DYNC2H1: variants seen among roughly 807,000 people sequenced by gnomAD.
The protein encoded by DYNC2H1 is cytoplasmic dynein 2 heavy chain 1.
In DYNC2H1, 410 loss-of-function variants were observed where a neutral mutation model predicts 570.0. The observed-to-expected ratio is 0.72, with a 90% CI of 0.66 to 0.78. The LOEUF is 0.78. DYNC2H1 is among the 30% of genes least tolerant of loss of function. DYNC2H1 has a pLI of 0.00. For synonymous variants in DYNC2H1, 1,688 were observed against 1,677.6 expected (o/e 1.01, Z -0.15); for missense variants, 4,865 against 5,046.4 (o/e 0.96, Z 1.09).
chr11:103,335,701 A>G (rs1190628856), intron 82 of DYNC2H1, among the ~76,000 whole-genome samples: 2 of 152,062 alleles, frequency 1.3e-5, no homozygotes, highest in African/African-American at 2.4e-5. Context: ...ATCTTTTCCC[A>G]TATACAGTTC....
chr11:103,173,999 A>G (rs1446791745), intron 35 of DYNC2H1, 56 bp from the exon 36 acceptor site: 2 of 1,231,636 alleles, frequency 1.6e-6, no homozygotes, highest in Non-Finnish European at 2.3e-6. Flanking sequence ...GGATGTTATG[A>G]TGAAAGTAAT....
At chr11:103,453,566 ATAT>A (rs1268116262) in intron 85 of DYNC2H1, among the ~76,000 whole-genome samples, 3 of 150,258 alleles carry the variant, frequency 2.0e-5, no homozygotes, top group Non-Finnish European at 4.4e-5. Context: ...TTGACAAATT[ATAT>A]TATTCAAACA....
intron 88 of DYNC2H1, among the ~76,000 whole-genome samples, chr11:103,470,275 G>T (rs1210774371): frequency 6.6e-6 from 1 of 152,088 alleles, no homozygotes; most frequent in African/African-American, 2.4e-5. Context: ...TTTCTATCCA[G>T]TTTTATTTGT....
At chr11:103,120,418 A>G (rs928684124) in intron 6 of DYNC2H1, 29 bp from the exon 7 acceptor site, 9 of 1,547,718 alleles carry the variant, frequency 5.8e-6, no homozygotes, top group Middle Eastern at 1.7e-4. Context: ...GATTTAAATA[A>G]ATTCTGTTGT....
intron 85 of DYNC2H1, among the ~76,000 whole-genome samples, chr11:103,440,114 G>A (rs1014708828): frequency 4.6e-5 from 7 of 151,972 alleles, no homozygotes; most frequent in South Asian, 2.1e-4. Context: ...TCCCTTGACC[G>A]TACACCTGTA....
intron 83 of DYNC2H1, among the ~76,000 whole-genome samples, chr11:103,380,551 C>A (rs796967170): frequency 6.6e-6 from 1 of 151,038 alleles, no homozygotes; most frequent in African/African-American, 2.4e-5. Context: ...TTGGAGGTTA[C>A]GTGATGAGGA....
At chr11:103,367,713 A>C (rs1032315328) in intron 83 of DYNC2H1, among the ~76,000 whole-genome samples, 4 of 152,080 alleles carry the variant, frequency 2.6e-5, no homozygotes, top group South Asian at 2.1e-4. Context: ...CTTATTCCTT[A>C]TATCTAATTA....
At chr11:103,208,477 A>T (rs1863023236) in intron 52 of DYNC2H1, among the ~76,000 whole-genome samples, 1 of 152,160 alleles carries the variant, frequency 6.6e-6, no homozygotes, top group Non-Finnish European at 1.5e-5. Flanking sequence ...TTGCAGGCCC[A>T]GTGGTTCAAG....
intron 21 of DYNC2H1, 128 bp from the exon 22 acceptor site, chr11:103,153,175 C>T: frequency 1.4e-6 from 1 of 732,518 alleles, no homozygotes; most frequent in Non-Finnish European, 2.1e-6. Context: ...TAACAACCAT[C>T]CTTTGAAAAG....
At chr11:103,330,740 C>T (rs1429675189) in intron 82 of DYNC2H1, among the ~76,000 whole-genome samples, 3 of 151,978 alleles carry the variant, frequency 2.0e-5, no homozygotes, top group Admixed American at 2.0e-4. Context: ...TCATGTCCCT[C>T]CTCCTCTTGT....
intron 75 of DYNC2H1, among the ~76,000 whole-genome samples, chr11:103,296,802 C>T (rs565528646): frequency 6.6e-6 from 1 of 151,858 alleles, no homozygotes; most frequent in African/African-American, 2.4e-5. Context: ...CTCCCTTGGT[C>T]TGAGACCCTT....
Position 103,152,232 on chromosome 11 carries a change from T to C in DYNC2H1, c.3043T>C (p.Trp1015Arg). ...LETISNLKAK[W>R]DKFELMMESH... ...AACAATTAGTAATTTGAAAGCCAAG[T>C]GGGATAAATTTGAGTTAATGATGGA... is the stretch of plus-strand genomic sequence containing the variant. The change falls in exon 21 of 89, where the codon TGG (tryptophan) becomes CGG (arginine). Residue 1015 changes from tryptophan to arginine, a missense_variant. Physicochemically the swap from Trp to Arg is moderately radical, Grantham distance 101. Around this residue, in one of 5 missense-constraint regions of DYNC2H1, gnomAD observed 1,936 missense variants for 1,962.1 expected, o/e 0.99. Transcript: ENST00000375735. 6.2e-7 allele frequency: 1 copy of C among 1,608,946 alleles called. No homozygotes were observed. The highest frequency in any genetic ancestry group is 1.3e-5 in the African/African-American group (1 of 74,824).
chr11:103,281,379 C>A (rs1286558527), intron 71 of DYNC2H1, among the ~76,000 whole-genome samples: 1 of 151,928 alleles, frequency 6.6e-6, no homozygotes, highest in Non-Finnish European at 1.5e-5. Context: ...TTATTTTTCT[C>A]TCCTAAAGTA....
chr11:103,306,746 G>A (rs1454627001), intron 77 of DYNC2H1, among the ~76,000 whole-genome samples: 2 of 152,068 alleles, frequency 1.3e-5, no homozygotes, highest in East Asian at 3.9e-4. Context: ...ATAATTTTTA[G>A]ACTTCATTCT....
chr11:103,472,799 T>G lies in DYNC2H1; in HGVS notation c.12765+4094T>G, dbSNP rs891275513. ...GTATTATTATATGATAATAATAAAA[T>G]TCAGAACTTTGGTAACTAAACTTTT... On this transcript the variant is annotated intron_variant, in intron 88 of 88. Coordinates refer to ENST00000375735, the MANE Select transcript of DYNC2H1 (RefSeq NM_001377.3). This position sits in a 1 kb window ranked among gnomAD's most constrained non-coding sequence, Gnocchi z 4.1. Among the ~76,000 whole-genome samples, 4 of 152,148 alleles carry G rather than the reference T, an allele frequency of 2.6e-5. No homozygotes were observed. The highest frequency in any genetic ancestry group is 9.7e-5 in the African/African-American group (4 of 41,410).
intron 55 of DYNC2H1, among the ~76,000 whole-genome samples, chr11:103,217,402 T>C (rs904743438): frequency 6.6e-6 from 1 of 152,194 alleles, no homozygotes; most frequent in Non-Finnish European, 1.5e-5. Context: ...CATAAGGCAA[T>C]CTGATATTAC....
At chr11:103,330,746 C>T (rs1158417047) in intron 82 of DYNC2H1, among the ~76,000 whole-genome samples, 2 of 151,952 alleles carry the variant, frequency 1.3e-5, no homozygotes, top group East Asian at 3.9e-4. Flanking sequence ...CCCTCCTCCT[C>T]TTGTACTGAA....
intron 43 of DYNC2H1, among the ~76,000 whole-genome samples, chr11:103,188,022 T>C (rs913017985): frequency 1.4e-4 from 22 of 152,064 alleles, no homozygotes; most frequent in Non-Finnish European, 4.4e-5. Context: ...AGATCACATA[T>C]CCTGAATCAG....
In DYNC2H1 at chr11:103,170,038, C is replaced by T. The variant is rs1197743708; in HGVS notation, c.4969-70C>T. 1.5e-6 allele frequency: 2 copies of T among 1,322,576 alleles called. No individual in the cohort carries two copies. Among genetic ancestry groups the T allele is most frequent in the South Asian group, 1.9e-5 (1 of 52,678 alleles). The allele number at this position is 1,322,576 out of a possible 1,614,324, so 81.9% of individuals were successfully genotyped here. On this transcript the variant is annotated intron_variant, in intron 32 of 88. Transcript: ENST00000375735. This position sits in a 1 kb window ranked among gnomAD's most constrained non-coding sequence, Gnocchi z 4.8. The stretch of plus-strand genomic sequence containing the variant: ...ATTTTTATCTTTTTAACTACAATCT[C>T]ATGCTGTAAAAATATTTGTAAATGT...
Sources: gnomAD v4.1 joint callset for allele counts (sites outside exome capture counted in the v4.1 genomes callset) on GRCh38, gnomAD v4.1.1 for gene constraint, gnomAD v4.1.1 regional missense constraint, Gnocchi (gnomAD v3.1) non-coding constraint, MANE v1.5 for transcripts, NCBI Gene and HGNC (gene_info 2026-07-23, HGNC 2026-07-21) for gene names.